Variants in ZNF18 observed in about 807,000 individuals in gnomAD.
ZNF18 encodes heart development-specific gene 1 protein.
ZNF18 carries 42 observed loss-of-function variants against 58.1 expected under a neutral mutation model. The observed-to-expected ratio is 0.72, with a 90% CI of 0.56 to 0.93. ZNF18 has a LOEUF of 0.93. Among genes scored for constraint, ZNF18 ranks in the 40% least tolerant of loss-of-function variants. The pLI is 0.00. For missense variants in ZNF18, 540 were observed against 644.2 expected (o/e 0.84, Z 1.75); for synonymous variants, 231 against 239.8 (o/e 0.96, Z 0.34).
rs752059838 is a variant in ZNF18 at position 11,992,870 on chromosome 17, A to G, written c.-41T>C. 1.9e-6 allele frequency: 3 copies of G among 1,579,910 alleles called. No individual in the cohort carries two copies. The African/African-American group carries it at 4.1e-5, about 21-fold the overall frequency. ...GTCCTTTTAAGTAAAGTGCTTCTGC[A>G]GTGGAATTGTCTCCGGCAAGAACTA... On this transcript the variant is annotated 5_prime_UTR_variant, in exon 2 of 7. Coordinates refer to ENST00000580306, the MANE Select transcript of ZNF18 (RefSeq NM_001303281.2).
At chr17:11,988,512 C>G (rs930976765) in intron 4 of ZNF18, among the ~76,000 whole-genome samples, 3 of 152,122 alleles carry the variant, frequency 2.0e-5, no homozygotes, top group African/African-American at 7.2e-5. Flanking sequence ...AGAGCGTCCC[C>G]GCAAAGTCTG....
At chr17:12,010,756 T>A in the ZNF18 span, 4 of 311,612 alleles carry the variant, frequency 1.3e-5, no homozygotes. Flanking sequence ...CATGAATTCA[T>A]AGGGAATATG....
chr17:11,992,663 T>C lies in ZNF18; in HGVS notation c.167A>G (p.His56Arg). Residue 56 changes from histidine (H) to arginine (R), a missense_variant, in exon 2 of 7, where the codon CAT becomes CGT. Transcript: ENST00000580306. Reference sequence around the variant, plus strand: ...CTTCCGAAGTTGCTTCAAGGTCTCATGAGGCCCAGACATCACCTGGTAACG... The same window carrying C: ...CTTCCGAAGTTGCTTCAAGGTCTCACGAGGCCCAGACATCACCTGGTAACG... ...QFRYQVMSGPHETLKQLRKLC... is the reference protein window; with the variant it reads ...QFRYQVMSGPRETLKQLRKLC... The C allele has an allele frequency of 1.2e-6, 2 of 1,614,246 alleles. No individual in the cohort carries two copies. Among genetic ancestry groups the C allele is most frequent in the Non-Finnish European group, 1.7e-6 (2 of 1,180,048 alleles).
In ZNF18 at chr17:11,978,564, T is replaced by C; in HGVS notation, c.1043A>G (p.Gln348Arg). The C allele has an allele frequency of 6.2e-7, 1 of 1,613,848 alleles. No homozygotes were observed. Among genetic ancestry groups the C allele is most frequent in the Non-Finnish European group, 8.5e-7 (1 of 1,179,958 alleles). ...GEGENLPEAL[Q>R]NIQDEGTGEQ... is the part of the protein sequence containing the mutation. ...CCCTGTTCCCTCATCCTGAATGTTT[T>C]GCAGAGCCTCAGGGAGATTCTCTCC... Residue 348 changes from glutamine to arginine, a missense_variant, in exon 7 of 7, where the codon CAA (glutamine) becomes CGA (arginine). Coordinates refer to ENST00000580306, the MANE Select transcript of ZNF18 (RefSeq NM_001303281.2).
At chr17:12,011,286 G>T in the ZNF18 span, 3 of 300,580 alleles carry the variant, frequency 1.0e-5, no homozygotes, top group Admixed American at 4.3e-5. Flanking sequence ...AACTTTAAAA[G>T]AATATAAATG....
At chr17:11,998,953 G>A (rs1968610611), upstream of ZNF18, among the ~76,000 whole-genome samples, 1 of 151,402 alleles carries the variant, frequency 6.6e-6, no homozygotes, top group Non-Finnish European at 1.5e-5. Context: ...TGGGATTACA[G>A]GCATGAGCCA....
the ZNF18 span, among the ~76,000 whole-genome samples, chr17:12,020,641 C>T: frequency 6.6e-6 from 1 of 152,302 alleles, no homozygotes; most frequent in East Asian, 1.9e-4. Flanking sequence ...GCCCCGCGGG[C>T]CCGCAGCCCT....
chr17:12,017,416 G>T, the ZNF18 span, among the ~76,000 whole-genome samples: 2 of 152,128 alleles, frequency 1.3e-5, no homozygotes, highest in Non-Finnish European at 2.9e-5. Flanking sequence ...ATTTGAGGGT[G>T]GGCGTTTTGC....
chr17:12,001,552 C>T (rs1054332624), upstream of ZNF18, among the ~76,000 whole-genome samples: 2 of 152,154 alleles, frequency 1.3e-5, no homozygotes, highest in Admixed American at 1.3e-4. Flanking sequence ...TGGCATGAAC[C>T]CAGGAGGCGG....
chr17:12,021,243 A>C, the ZNF18 span: 1 of 286,464 alleles, frequency 3.5e-6, no homozygotes. Flanking sequence ...CCTGGGCCCT[A>C]CCGGGCTCTC....
the ZNF18 span, among the ~76,000 whole-genome samples, chr17:12,015,045 C>A: frequency 6.6e-6 from 1 of 151,520 alleles, no homozygotes; most frequent in Non-Finnish European, 1.5e-5. Flanking sequence ...AAGACTCCAT[C>A]TCAAAAAAAA....
chr17:11,979,204 A>G (rs1967187647), intron 6 of ZNF18, among the ~76,000 whole-genome samples: 2 of 152,008 alleles, frequency 1.3e-5, no homozygotes, highest in Admixed American at 6.5e-5. Context: ...ACCCAGAGAT[A>G]ACAACTATGA....
chr17:11,989,962 A>G (rs1967996374), intron 4 of ZNF18, among the ~76,000 whole-genome samples: 2 of 152,218 alleles, frequency 1.3e-5, no homozygotes, highest in South Asian at 4.1e-4. Flanking sequence ...CTGTGGGACA[A>G]CTTGAAGAGC....
chr17:12,020,093 C>G, the ZNF18 span, among the ~76,000 whole-genome samples: 1 of 152,118 alleles, frequency 6.6e-6, no homozygotes, highest in South Asian at 2.1e-4. Flanking sequence ...ATGTAACTTA[C>G]AATAATGACT....
intron 4 of ZNF18, among the ~76,000 whole-genome samples, chr17:11,989,978 T>C (rs1415791181): frequency 6.6e-6 from 1 of 152,174 alleles, no homozygotes; most frequent in Non-Finnish European, 1.5e-5. Flanking sequence ...AGAGCTCTGA[T>C]ACATGTATAT....
the ZNF18 span, chr17:12,011,274 GA>G: frequency 5.8e-6 from 2 of 344,064 alleles, no homozygotes; most frequent in Non-Finnish European, 1.1e-5. Flanking sequence ...TATTTTGAAT[GA>G]AACTTTAAAA....
chr17:12,012,246 C>T, the ZNF18 span, among the ~76,000 whole-genome samples: 1 of 152,072 alleles, frequency 6.6e-6, no homozygotes, highest in African/African-American at 2.4e-5. Flanking sequence ...CCATGGTGTT[C>T]TTCATCTGGC....
chr17:11,984,553 G>A (rs1262638662), intron 4 of ZNF18, among the ~76,000 whole-genome samples: 6 of 149,022 alleles, frequency 4.0e-5, no homozygotes, highest in Non-Finnish European at 8.9e-5. Context: ...TCACTCTGTC[G>A]CCCAGGCTGG....
chr17:12,006,615 G>A, the ZNF18 span, among the ~76,000 whole-genome samples: 1 of 152,132 alleles, frequency 6.6e-6, no homozygotes, highest in Non-Finnish European at 1.5e-5. Context: ...CCAGGGCATG[G>A]TGGTGCACAC....
Sources: gnomAD v4.1 joint callset for allele counts (sites outside exome capture counted in the v4.1 genomes callset) on GRCh38, gnomAD v4.1.1 for gene constraint, MANE v1.5 for transcripts, NCBI Gene and HGNC (gene_info 2026-07-23, HGNC 2026-07-21) for gene names.